SHTN1: variants seen among roughly 807,000 people sequenced by gnomAD.
SHTN1 encodes the protein shootin-1.
SHTN1 carries 42 observed loss-of-function variants against 83.1 expected under a neutral mutation model. That is an observed-to-expected ratio of 0.51 (90% CI 0.39 to 0.65). The LOEUF is 0.65. SHTN1 is among the 30% of genes least tolerant of loss of function. The pLI is 0.00. For missense variants in SHTN1, 622 were observed against 737.8 expected (o/e 0.84, Z 1.82); for synonymous variants, 224 against 247.7 (o/e 0.90, Z 0.90).
At chr10:117,084,663 A>C (rs1486924179) in intron 1 of SHTN1, among the ~76,000 whole-genome samples, 1 of 152,052 alleles carries the variant, frequency 6.6e-6, no homozygotes, top group Non-Finnish European at 1.5e-5. Flanking sequence ...GTTTGATCTC[A>C]GACTGCTGTG....
chr10:116,903,529 C>CA lies in SHTN1; in HGVS notation c.1481-1573dup, dbSNP rs546663085. ...GACAAGAGAGACTTCATCTCAGAGA[C>CA]AAAAAAAAAAGGCCTTTTCCTCCCA... On this transcript the variant is annotated intron_variant, in intron 15 of 16. Transcript: ENST00000355371. 3.6e-3 allele frequency among the ~76,000 whole-genome samples: 510 copies of CA among 141,536 alleles called. 6 individuals are homozygous for CA. The highest frequency in any genetic ancestry group is 3.8e-3 in the Non-Finnish European group (247 of 64,518). The allele number at this position is 141,536 out of a possible 152,430, so 92.9% of individuals were successfully genotyped here.
At chr10:117,026,791 C>T (rs1367029353) in intron 2 of SHTN1, among the ~76,000 whole-genome samples, 1 of 152,210 alleles carries the variant, frequency 6.6e-6, no homozygotes, top group Non-Finnish European at 1.5e-5. Flanking sequence ...CTGGGCCTGC[C>T]CAGGGCTGGG....
intron 1 of SHTN1, among the ~76,000 whole-genome samples, chr10:117,067,550 G>A (rs767245682): frequency 7.2e-5 from 11 of 151,960 alleles, no homozygotes; most frequent in Admixed American, 3.3e-4. Flanking sequence ...AGCCAAGATC[G>A]CGCCACTGTA....
chr10:117,048,421 C>T (rs1852697619), intron 2 of SHTN1: 2 of 947,494 alleles, frequency 2.1e-6, no homozygotes, highest in Non-Finnish European at 1.3e-6. Flanking sequence ...TGATTAGACA[C>T]ATCGGCACGG....
At chr10:116,903,451 G>A (rs1468535997) in intron 15 of SHTN1, among the ~76,000 whole-genome samples, 1 of 152,028 alleles carries the variant, frequency 6.6e-6, no homozygotes, top group South Asian at 2.1e-4. Context: ...CTTGAACTCA[G>A]GAGACAGAGG....
At chr10:117,080,691 GT>G (rs1853247053) in intron 1 of SHTN1, among the ~76,000 whole-genome samples, 1 of 22,680 alleles carries the variant, frequency 4.4e-5, no homozygotes, top group Non-Finnish European at 9.2e-5. Flanking sequence ...TCTTCCATTT[GT>G]TTGTATCCTC....
intron 1 of SHTN1, among the ~76,000 whole-genome samples, chr10:117,079,278 T>C (rs1201250566): frequency 7.3e-6 from 1 of 137,636 alleles, no homozygotes; most frequent in Non-Finnish European, 1.5e-5. Context: ...TGAGTGAGAA[T>C]ATGCGGTGTT....
chr10:117,114,702 A>G (rs1050808137), intron 1 of SHTN1, among the ~76,000 whole-genome samples: 1 of 152,170 alleles, frequency 6.6e-6, no homozygotes, highest in African/African-American at 2.4e-5. Flanking sequence ...GTCACTTACT[A>G]ATGGTACCCT....
At chr10:116,899,434 G>T (rs760161065) in intron 16 of SHTN1, among the ~76,000 whole-genome samples, 1 of 151,974 alleles carries the variant, frequency 6.6e-6, no homozygotes, top group South Asian at 2.1e-4. Flanking sequence ...GCAGCGAAGG[G>T]CCTAGGGTGA....
At chr10:116,933,602 A>G (rs949295449) in intron 9 of SHTN1, among the ~76,000 whole-genome samples, 10 of 152,078 alleles carry the variant, frequency 6.6e-5, no homozygotes, top group Non-Finnish European at 8.8e-5. Context: ...AGTCTTTTCT[A>G]TTATGAATAG....
At chr10:117,108,366 A>G (rs1433760768) in intron 1 of SHTN1, among the ~76,000 whole-genome samples, 2 of 152,106 alleles carry the variant, frequency 1.3e-5, no homozygotes, top group African/African-American at 2.4e-5. Flanking sequence ...ACCATGGAAT[A>G]CTATGCAGCC....
chr10:116,984,106 T>A (rs1851143363), intron 1 of SHTN1, among the ~76,000 whole-genome samples: 1 of 152,114 alleles, frequency 6.6e-6, no homozygotes, highest in African/African-American at 2.4e-5. Flanking sequence ...TTTGTCAGTT[T>A]TAGCGCTGAA....
At chr10:117,125,317 A>G (rs1853987120) in intron 1 of SHTN1, among the ~76,000 whole-genome samples, 1 of 152,140 alleles carries the variant, frequency 6.6e-6, no homozygotes, top group Non-Finnish European at 1.5e-5. Context: ...TAAAACGAAA[A>G]TAATGGTGAT....
chr10:117,074,876 G>T (rs1050216413), intron 1 of SHTN1, among the ~76,000 whole-genome samples: 1 of 152,072 alleles, frequency 6.6e-6, no homozygotes, highest in Non-Finnish European at 1.5e-5. Context: ...ACGGCTGAGA[G>T]TCATCCTGGT....
intron 1 of SHTN1, among the ~76,000 whole-genome samples, chr10:117,121,757 G>T (rs986672242): frequency 6.6e-6 from 1 of 152,060 alleles, no homozygotes; most frequent in Non-Finnish European, 1.5e-5. Context: ...TCTTGGCTGG[G>T]TGCGGTGGCT....
At chr10:116,976,283 C>A (rs1260588967) in intron 2 of SHTN1, among the ~76,000 whole-genome samples, 1 of 152,198 alleles carries the variant, frequency 6.6e-6, no homozygotes, top group Non-Finnish European at 1.5e-5. Context: ...CCATGTCAGA[C>A]CACTTGTCTC....
In SHTN1 at chr10:116,954,919, G is replaced by A. The variant is rs553951878; in HGVS notation, c.268-709C>T. 2.8e-4 allele frequency among the ~76,000 whole-genome samples: 43 copies of A among 152,120 alleles called. No homozygotes were observed. The East Asian group carries it at 8.1e-3, about 29-fold the overall frequency. On this transcript the variant is annotated intron_variant, in intron 4 of 16. Coordinates refer to ENST00000355371, the MANE Select transcript of SHTN1 (RefSeq NM_001127211.3). ...GAGAAAGGAAGAGAAAAGCAACAGA[G>A]AAAGGGTTTCCCACCAGACTCAAGC...
intron 1 of SHTN1, among the ~76,000 whole-genome samples, chr10:117,057,375 C>G (rs1852838454): frequency 6.6e-6 from 1 of 152,058 alleles, no homozygotes; most frequent in African/African-American, 2.4e-5. Context: ...CCAGGGTAGA[C>G]AAAAAAGACC....
At chr10:117,106,271 A>G (rs1185730315) in intron 1 of SHTN1, among the ~76,000 whole-genome samples, 2 of 152,152 alleles carry the variant, frequency 1.3e-5, no homozygotes, top group African/African-American at 4.8e-5. Context: ...CCTGGCCAAC[A>G]TGGTGAAACC....
Sources: gnomAD v4.1 joint callset for allele counts (sites outside exome capture counted in the v4.1 genomes callset) on GRCh38, gnomAD v4.1.1 for gene constraint, MANE v1.5 for transcripts, NCBI Gene and HGNC (gene_info 2026-07-23, HGNC 2026-07-21) for gene names.